Variants in CSRNP3 observed in about 807,000 individuals in gnomAD.
The protein encoded by CSRNP3 is cysteine and serine rich nuclear protein 3.
Under a neutral mutation model 48.0 loss-of-function variants are expected in CSRNP3, and 12 were observed. The ratio of observed to expected loss-of-function variants is 0.25; its 90% confidence interval spans 0.16 to 0.41. The LOEUF (loss-of-function observed/expected upper bound fraction) is 0.41. Ranked by LOEUF, CSRNP3 falls within the 10% of genes least tolerant of loss-of-function variation. The probability of loss-of-function intolerance (pLI) is 1.00; values close to 1 mark genes in which losing one functional copy is unlikely to be tolerated. For missense variants in CSRNP3, 580 were observed against 724.4 expected, an observed-to-expected ratio of 0.80 and a Z score of 2.29; for synonymous variants, 263 against 269.7, an observed-to-expected ratio of 0.98 and a Z score of 0.24.
At chr2:165,577,856 A>T (rs114434774) in intron 3 of CSRNP3, among the ~76,000 whole-genome samples, 2 of 151,912 alleles carry the variant, frequency 1.3e-5, no homozygotes, top group Non-Finnish European at 2.9e-5. Flanking sequence ...AAAGAGAGAA[A>T]CCTTTCTCCA....
intron 5 of CSRNP3, among the ~76,000 whole-genome samples, chr2:165,668,915 T>C (rs2105357271): frequency 6.6e-6 from 1 of 152,342 alleles, no homozygotes; most frequent in Non-Finnish European, 1.5e-5. Context: ...AAACCTAAGT[T>C]TGATCTTCAA....
intron 4 of CSRNP3, among the ~76,000 whole-genome samples, chr2:165,627,079 G>A (rs1686448422): frequency 6.6e-6 from 1 of 151,932 alleles, no homozygotes; most frequent in African/African-American, 2.4e-5. Context: ...TGTTCTCTTT[G>A]GTCCCTGCTG....
At chr2:165,671,847 C>T (rs1687336495) in intron 5 of CSRNP3, among the ~76,000 whole-genome samples, 1 of 152,146 alleles carries the variant, frequency 6.6e-6, no homozygotes, top group Admixed American at 6.5e-5. Context: ...TTTGAAATTT[C>T]TTCCACTAGA....
intron 5 of CSRNP3, among the ~76,000 whole-genome samples, chr2:165,663,405 C>G (rs544944743): frequency 6.6e-6 from 1 of 152,272 alleles, no homozygotes; most frequent in African/African-American, 2.4e-5. Context: ...AATGGAGGCC[C>G]ACTTTAACAT....
chr2:165,642,801 A>T (rs1274923282), intron 4 of CSRNP3, among the ~76,000 whole-genome samples: 1 of 152,132 alleles, frequency 6.6e-6, no homozygotes, highest in Non-Finnish European at 1.5e-5. Context: ...ACCTCAGGTG[A>T]TCTGTCCATC....
chr2:165,602,905 A>T (rs1014872416), intron 4 of CSRNP3, among the ~76,000 whole-genome samples: 31 of 150,874 alleles, frequency 2.1e-4, no homozygotes, highest in Admixed American at 9.9e-4. Context: ...TATTTTTTTT[A>T]ATTTTTTTTG....
intron 4 of CSRNP3, among the ~76,000 whole-genome samples, chr2:165,607,483 T>C (rs1404250269): frequency 6.6e-6 from 1 of 152,176 alleles, no homozygotes; most frequent in African/African-American, 2.4e-5. Flanking sequence ...TCCCCAGGTG[T>C]TCAGCTCCAG....
chr2:165,619,519 C>T (rs1051445854), intron 4 of CSRNP3, among the ~76,000 whole-genome samples: 1 of 151,978 alleles, frequency 6.6e-6, no homozygotes, highest in African/African-American at 2.4e-5. Context: ...CTGGCAAAGT[C>T]AAGAAAGTGG....
intron 3 of CSRNP3, among the ~76,000 whole-genome samples, chr2:165,578,866 T>C (rs1325680234): frequency 6.6e-6 from 1 of 151,856 alleles, no homozygotes; most frequent in Non-Finnish European, 1.5e-5. Flanking sequence ...AACTCCGGAG[T>C]TGTTTACACA....
intron 4 of CSRNP3, among the ~76,000 whole-genome samples, chr2:165,605,153 C>T (rs1685988451): frequency 6.6e-6 from 1 of 152,162 alleles, no homozygotes; most frequent in Non-Finnish European, 1.5e-5. Context: ...TTCAATTCAT[C>T]AATCACTTTC....
At chr2:165,611,084 A>G (rs1431750013) in intron 4 of CSRNP3, among the ~76,000 whole-genome samples, 1 of 152,190 alleles carries the variant, frequency 6.6e-6, no homozygotes, top group African/African-American at 2.4e-5. Context: ...AGAAATGGAT[A>G]GTAACCTGAT....
chr2:165,636,040 C>T (rs1323153923), intron 4 of CSRNP3, among the ~76,000 whole-genome samples: 1 of 152,150 alleles, frequency 6.6e-6, no homozygotes, highest in Admixed American at 6.6e-5. Context: ...GAAATACACC[C>T]AAGGGTAAAG....
chr2:165,502,976 T>C (rs1684377709), intron 2 of CSRNP3, among the ~76,000 whole-genome samples: 1 of 152,026 alleles, frequency 6.6e-6, no homozygotes, highest in South Asian at 2.1e-4. Context: ...CTATCCAGGT[T>C]TTTTATTATG....
intron 3 of CSRNP3, chr2:165,566,695 G>C (rs1429470786): frequency 6.6e-6 from 1 of 151,630 alleles, no homozygotes; most frequent in Non-Finnish European, 1.5e-5. Context: ...CATTGCCCAG[G>C]CTGTATATTC....
At chr2:165,554,504 T>C (rs1040491470) in intron 3 of CSRNP3, among the ~76,000 whole-genome samples, 3 of 152,242 alleles carry the variant, frequency 2.0e-5, no homozygotes, top group African/African-American at 4.8e-5. Context: ...TCTGAAAATC[T>C]TTGAAGACTT....
intron 3 of CSRNP3, among the ~76,000 whole-genome samples, chr2:165,574,673 G>A (rs2105276934): frequency 6.6e-6 from 1 of 152,074 alleles, no homozygotes; most frequent in African/African-American, 2.4e-5. Flanking sequence ...ATTCCATTTC[G>A]GGGGTAAGTT....
At chr2:165,524,283 G>C (rs933812305) in intron 3 of CSRNP3, among the ~76,000 whole-genome samples, 6 of 151,918 alleles carry the variant, frequency 3.9e-5, no homozygotes, top group African/African-American at 1.5e-4. Flanking sequence ...TAACTACTTG[G>C]GGGAAAATAA....
intron 4 of CSRNP3, among the ~76,000 whole-genome samples, chr2:165,612,885 GTTGGTATCTC>G (rs1356688703): frequency 2.6e-5 from 4 of 151,934 alleles, no homozygotes; most frequent in African/African-American, 9.7e-5. Context: ...CTGCAGTAAA[GTTGGTATCTC>G]TTCAATATAC....
chr2:165,497,228 T>C (rs971075545), intron 2 of CSRNP3, among the ~76,000 whole-genome samples: 6 of 152,078 alleles, frequency 3.9e-5, no homozygotes, highest in African/African-American at 1.2e-4. Context: ...ATACTTAAGC[T>C]ATTGAAGAAG....
Sources: gnomAD v4.1 joint callset for allele counts (sites outside exome capture counted in the v4.1 genomes callset) on GRCh38, gnomAD v4.1.1 for gene constraint, MANE v1.5 for transcripts, NCBI Gene and HGNC (gene_info 2026-07-23, HGNC 2026-07-21) for gene names.